Variants in DOK5 observed in about 807,000 individuals in gnomAD.
The protein encoded by DOK5 is docking protein 5.
In DOK5, 27 loss-of-function variants were observed where a neutral mutation model predicts 43.3. The ratio of observed to expected loss-of-function variants is 0.62; its 90% confidence interval spans 0.46 to 0.86. DOK5 has a LOEUF of 0.86. Among genes scored for constraint, DOK5 ranks in the 40% least tolerant of loss-of-function variants. DOK5 has a pLI of 0.00. For missense variants in DOK5, 373 were observed against 392.9 expected (o/e 0.95, Z 0.43); for synonymous variants, 146 against 140.1 (o/e 1.04, Z -0.30).
chr20:54,536,955 G>A (rs537891398), intron 1 of DOK5, among the ~76,000 whole-genome samples: 2 of 152,328 alleles, frequency 1.3e-5, no homozygotes, highest in African/African-American at 4.8e-5. Context: ...ATTCTGCTCA[G>A]TAGGAATGAG....
intron 1 of DOK5, among the ~76,000 whole-genome samples, chr20:54,478,800 T>C (rs748713686): frequency 1.3e-5 from 2 of 152,306 alleles, no homozygotes; most frequent in Non-Finnish European, 2.9e-5. Flanking sequence ...GAAAATGCAA[T>C]GAAAGTCTAG....
At chr20:54,572,251 C>T (rs1985307172) in intron 2 of DOK5, among the ~76,000 whole-genome samples, 2 of 151,912 alleles carry the variant, frequency 1.3e-5, no homozygotes, top group South Asian at 4.2e-4. Context: ...AGCTCTGCCT[C>T]CCAGGTTCAT....
chr20:54,496,778 A>AAG (rs1408428635), intron 1 of DOK5, among the ~76,000 whole-genome samples: 5 of 151,692 alleles, frequency 3.3e-5, no homozygotes, highest in Non-Finnish European at 5.9e-5. Context: ...AAAAAAAAAA[A>AAG]AAAAAAAAGA....
At chr20:54,570,577 A>T (rs574447467) in intron 2 of DOK5, among the ~76,000 whole-genome samples, 109 of 152,324 alleles carry the variant, frequency 7.2e-4, no homozygotes, top group African/African-American at 2.6e-3. Context: ...TTACTTGGTA[A>T]ACATAAATAA....
At chr20:54,588,254 G>A (rs1985872637) in intron 2 of DOK5, among the ~76,000 whole-genome samples, 1 of 152,122 alleles carries the variant, frequency 6.6e-6, no homozygotes, top group South Asian at 2.1e-4. Context: ...CACTTAATAC[G>A]TTTCAGAAAA....
At chr20:54,625,641 T>C (rs1987110296) in intron 6 of DOK5, among the ~76,000 whole-genome samples, 3 of 152,162 alleles carry the variant, frequency 2.0e-5, no homozygotes. Flanking sequence ...TAGTACTTGT[T>C]CCCCCTTCTA....
intron 5 of DOK5, among the ~76,000 whole-genome samples, chr20:54,608,044 T>C (rs946545985): frequency 6.6e-6 from 1 of 152,180 alleles, no homozygotes; most frequent in African/African-American, 2.4e-5. Flanking sequence ...AATAATAGCA[T>C]GTTATAGATT....
At position 54,486,571 on chromosome 20, in the gene DOK5, G is replaced by GCA. The variant is rs144765725; in HGVS notation, c.66+10575_66+10576dup. ...TTTCTCATTTTACACACACACACAT[G>GCA]CACACACACACACACACGATTTAAT... On this transcript the variant is annotated intron_variant, in intron 1 of 7. Transcript: ENST00000262593. Among the ~76,000 whole-genome samples the GCA allele has an allele frequency of 3.8e-3, 563 of 149,494 alleles. 1 individual carries two copies. Among genetic ancestry groups the GCA allele is most frequent in the Middle Eastern group, 6.9e-3 (2 of 290 alleles).
intron 6 of DOK5, among the ~76,000 whole-genome samples, chr20:54,630,099 TG>T (rs1978492117): frequency 6.6e-6 from 1 of 152,200 alleles, no homozygotes; most frequent in African/African-American, 2.4e-5. Flanking sequence ...CCCTGGAAGC[TG>T]TTTGGAAACG....
rs151330084 is a variant in DOK5, at chr20:54,507,830, C to T, written c.66+31818C>T. The stretch of plus-strand genomic sequence containing the variant: ...CACCCTAGAGAAGAAAAAGGATAGT[C>T]ATATCACAATGGAGAATTATTTGGG... On this transcript the variant is annotated intron_variant, in intron 1 of 7. Coordinates refer to ENST00000262593, the MANE Select transcript of DOK5 (RefSeq NM_018431.5). Among the ~76,000 whole-genome samples, 30 of 152,298 alleles carry T rather than the reference C, an allele frequency of 2.0e-4. No homozygotes were observed. In the East Asian group the frequency reaches 5.4e-3, roughly 27 times the overall value.
intron 2 of DOK5, among the ~76,000 whole-genome samples, chr20:54,557,939 T>G (rs1299913689): frequency 1.3e-5 from 2 of 152,154 alleles, no homozygotes; most frequent in Non-Finnish European, 2.9e-5. Flanking sequence ...AAGACAGGGA[T>G]TTTTTGGGGA....
chr20:54,603,604 G>A (rs1986366092), intron 5 of DOK5, among the ~76,000 whole-genome samples: 2 of 152,154 alleles, frequency 1.3e-5, no homozygotes, highest in South Asian at 4.1e-4. Flanking sequence ...ACTTTTGGTT[G>A]TTAAACTGCA....
At chr20:54,514,586 CTTTT>C (rs199776939) in intron 1 of DOK5, among the ~76,000 whole-genome samples, 6 of 100,926 alleles carry the variant, frequency 5.9e-5, no homozygotes, top group Admixed American at 2.0e-4. Context: ...AAGTTTTACT[CTTTT>C]TTTTTTTTTT....
rs927591045 is a variant in DOK5, at chr20:54,580,795, T to C, written c.175-7688T>C. Among the ~76,000 whole-genome samples the C allele has an allele frequency of 2.0e-5, 3 of 152,280 alleles. No individual in the cohort carries two copies. The South Asian group carries it at 6.2e-4, about 32-fold the overall frequency. ...GGCTATTAACCCTTTATCAAGGATA[T>C]GGTTTGCAGATATTTTTCTCATGCT... On this transcript the variant is annotated intron_variant, in intron 2 of 7. Coordinates refer to ENST00000262593, the MANE Select transcript of DOK5 (RefSeq NM_018431.5).
chr20:54,557,940 T>A (rs190193729), intron 2 of DOK5, among the ~76,000 whole-genome samples: 1 of 152,142 alleles, frequency 6.6e-6, no homozygotes, highest in South Asian at 2.1e-4. Context: ...AGACAGGGAT[T>A]TTTTGGGGAT....
intron 6 of DOK5, among the ~76,000 whole-genome samples, chr20:54,630,954 A>G (rs1978536418): frequency 2.6e-5 from 4 of 152,196 alleles, no homozygotes; most frequent in Non-Finnish European, 5.9e-5. Context: ...AAAAAATATT[A>G]CAGAGGAGAT....
At chr20:54,512,342 C>A (rs1409466480) in intron 1 of DOK5, among the ~76,000 whole-genome samples, 2 of 152,182 alleles carry the variant, frequency 1.3e-5, no homozygotes, top group Non-Finnish European at 2.9e-5. Flanking sequence ...TATTGCAATA[C>A]ATTGTTTATA....
intron 5 of DOK5, among the ~76,000 whole-genome samples, chr20:54,601,834 C>T (rs1337356722): frequency 6.6e-6 from 1 of 152,240 alleles, no homozygotes; most frequent in East Asian, 1.9e-4. Context: ...AAACAAAACA[C>T]CCAATTTTTG....
chr20:54,477,157 C>A (rs1460381609), intron 1 of DOK5, among the ~76,000 whole-genome samples: 1 of 152,082 alleles, frequency 6.6e-6, no homozygotes, highest in African/African-American at 2.4e-5. Flanking sequence ...AATTGAATAG[C>A]TTTCTTTAGA....
Sources: gnomAD v4.1 joint callset for allele counts (sites outside exome capture counted in the v4.1 genomes callset) on GRCh38, gnomAD v4.1.1 for gene constraint, MANE v1.5 for transcripts, NCBI Gene and HGNC (gene_info 2026-07-23, HGNC 2026-07-21) for gene names.